The following CTF1 variants were observed in gnomAD, a reference collection of about 807,000 sequenced individuals.
The protein encoded by CTF1 is cardiotrophin 1, also known as cardiotrophin-1.
A neutral mutation model predicts 10.9 loss-of-function variants in CTF1; 9 were observed. That is an observed-to-expected ratio of 0.83 (90% confidence interval 0.50 to 1.44). The LOEUF (loss-of-function observed/expected upper bound fraction) is 1.44. CTF1 is among the 40% of genes most tolerant of loss of function. The pLI is 0.00. For missense variants in CTF1, 259 were observed against 275.3 expected, an observed-to-expected ratio of 0.94 and a Z score of 0.42; for synonymous variants, 133 against 138.8, an observed-to-expected ratio of 0.96 and a Z score of 0.29.
Position 30,902,133 on chromosome 16 carries a change from C to A in CTF1, c.200C>A (p.Pro67Gln). ...CCCAGCTTCTCGCCGCCGCGGCTGC[C>A]GGTGGCCGGCCTGAGCGCCCCGGCT... is the stretch of plus-strand genomic sequence containing the variant. ...GLPSFSPPRL[P>Q]VAGLSAPAPS... Residue 67 changes from proline (P) to glutamine (Q), a missense_variant, in exon 3 of 3, where the codon CCG becomes CAG. Coordinates refer to ENST00000279804, the MANE Select transcript of CTF1 (RefSeq NM_001330.5). 7.1e-7 allele frequency: 1 copy of A among 1,408,756 alleles called. No individual in the cohort carries two copies. Among genetic ancestry groups the A allele is most frequent in the Admixed American group, 2.5e-5 (1 of 39,396 alleles). The allele number at this position is 1,408,756 out of a possible 1,614,324, so 87.3% of individuals were successfully genotyped here. A position where few individuals can be genotyped will look rare whatever the true frequency, so the allele number is the denominator to read the frequency against.
intron 1 of CTF1, among the ~76,000 whole-genome samples, chr16:30,898,114 G>C (rs2055369670): frequency 6.6e-6 from 1 of 151,094 alleles, no homozygotes; most frequent in African/African-American, 2.4e-5. Flanking sequence ...ACCTGCCTCA[G>C]CCCTCCAAAG....
At chr16:30,900,682 A>T (rs750677964) in intron 2 of CTF1, among the ~76,000 whole-genome samples, 5 of 152,206 alleles carry the variant, frequency 3.3e-5, no homozygotes, top group Admixed American at 1.3e-4. Flanking sequence ...CTGTGGTTCC[A>T]TCTACTCAGG....
intron 2 of CTF1, among the ~76,000 whole-genome samples, chr16:30,901,877 C>T (rs1008374226): frequency 6.6e-6 from 1 of 151,800 alleles, no homozygotes; most frequent in Non-Finnish European, 1.5e-5. Flanking sequence ...AGTCTGGGTC[C>T]AGTTTAGGGA....
chr16:30,902,548 G>A lies in CTF1; in HGVS notation c.*9G>A, dbSNP rs766484224. 1.3e-6 allele frequency: 2 copies of A among 1,499,254 alleles called. No individual in the cohort carries two copies. Among genetic ancestry groups the A allele is most frequent in the East Asian group, 2.7e-5 (1 of 36,708 alleles). The allele number at this position is 1,499,254 out of a possible 1,614,324, so 92.9% of individuals were successfully genotyped here. A position where few individuals can be genotyped will look rare whatever the true frequency, so the allele number is the denominator to read the frequency against. On this transcript the variant is annotated 3_prime_UTR_variant, in exon 3 of 3. Transcript: ENST00000279804. ...CCGGGGGCTCGGCCTGAGCGCCGCG[G>A]GGCAGCTCGCCCCGCCTCCTCCCGC...
intron 2 of CTF1, 76 bp from the exon 3 acceptor site, chr16:30,902,002 C>A: frequency 8.0e-7 from 1 of 1,247,336 alleles, no homozygotes; most frequent in Non-Finnish European, 1.0e-6. Context: ...CCCCAGAGAG[C>A]GGGTTGGAGA....
intron 1 of CTF1, among the ~76,000 whole-genome samples, chr16:30,897,590 A>C (rs528343873): frequency 2.6e-5 from 4 of 152,194 alleles, no homozygotes; most frequent in African/African-American, 9.6e-5. Flanking sequence ...CATGCACTGC[A>C]TAACAACATT....
rs2055418745 is a variant in CTF1, at chr16:30,902,828, A to G, written c.*289A>G. The G allele has an allele frequency of 3.5e-6, 1 of 285,050 alleles. No homozygotes were observed. The highest frequency in any genetic ancestry group is 1.2e-4 in the South Asian group (1 of 8,660). 17.7% of individuals were successfully genotyped at this position (285,050 alleles called of 1,614,324 possible). On this transcript the variant is annotated 3_prime_UTR_variant, in exon 3 of 3. Coordinates refer to ENST00000279804, the MANE Select transcript of CTF1 (RefSeq NM_001330.5). ...GCTGGGACTACAGGCACGCGCCACC[A>G]CAGCCGGCTAATTTTTTATTTAATT...
At chr16:30,899,573 A>C in intron 2 of CTF1, 40 bp downstream of exon 2, 1 of 1,066,986 alleles carries the variant, frequency 9.4e-7, no homozygotes, top group East Asian at 2.4e-5. Flanking sequence ...GGGCCTGGGG[A>C]ATGGGAGCAG....
At chr16:30,900,446 T>G (rs1408717715) in intron 2 of CTF1, among the ~76,000 whole-genome samples, 1 of 152,030 alleles carries the variant, frequency 6.6e-6, no homozygotes, top group African/African-American at 2.4e-5. Context: ...TGGCAGCGGA[T>G]AGTGGGAGAA....
intron 2 of CTF1, among the ~76,000 whole-genome samples, chr16:30,899,764 G>T (rs1304772022): frequency 6.6e-6 from 1 of 152,076 alleles, no homozygotes; most frequent in Admixed American, 6.6e-5. Context: ...TCAGTGCTTT[G>T]TTTTTGAGAG....
At position 30,902,622 on chromosome 16, in the gene CTF1, G is replaced by GTGTC. The variant is rs1046386560; in HGVS notation, c.*94_*97dup. 1.4e-6 allele frequency: 2 copies of GTGTC among 1,403,156 alleles called. No individual in the cohort carries two copies. The highest frequency in any genetic ancestry group is 3.0e-5 in the African/African-American group (2 of 66,136). 86.9% of individuals were successfully genotyped at this position (1,403,156 alleles called of 1,614,324 possible). ...TCTTTGTCTTTCTCTGCCGCTGTCG[G>GTGTC]TGTCTGTCTGTCTGCTCTTAGCTGT... On this transcript the variant is annotated 3_prime_UTR_variant, in exon 3 of 3. Coordinates refer to ENST00000279804, the MANE Select transcript of CTF1 (RefSeq NM_001330.5).
At chr16:30,896,413 T>C (rs1479839428), upstream of CTF1, among the ~76,000 whole-genome samples, 1 of 152,042 alleles carries the variant, frequency 6.6e-6, no homozygotes, top group Non-Finnish European at 1.5e-5. Context: ...CGAGGTCCTG[T>C]CCACCCGGCA....
intron 1 of CTF1, among the ~76,000 whole-genome samples, chr16:30,896,998 T>TG (rs1274726372): frequency 1.3e-5 from 2 of 151,260 alleles, no homozygotes; most frequent in Admixed American, 6.6e-5. Context: ...GAATCAGAGC[T>TG]GGGGGGCTGA....
rs1192760025 is a variant in CTF1 at position 30,902,275 on chromosome 16, C to A, written c.342C>A (p.Arg114=). 1.1e-5 allele frequency: 11 copies of A among 1,040,974 alleles called. No homozygotes were observed. The highest frequency in any genetic ancestry group is 9.0e-4 in the Middle Eastern group (2 of 2,232). 64.5% of individuals were successfully genotyped at this position (1,040,974 alleles called of 1,614,324 possible). Residue 114 remains arginine, a synonymous_variant, in exon 3 of 3, where the codon CGC becomes CGA. Coordinates refer to ENST00000279804, the MANE Select transcript of CTF1 (RefSeq NM_001330.5). ...VCRRQAELNP[R]APRLLRRLED... is the part of the protein sequence containing the mutation. Reference sequence around the variant, plus strand: ...GCCGCCAGGCCGAGCTGAACCCGCGCGCGCCGCGCCTGCTGCGCCGCCTGG... The same window carrying A: ...GCCGCCAGGCCGAGCTGAACCCGCGAGCGCCGCGCCTGCTGCGCCGCCTGG...
chr16:30,902,676 T>TA lies in CTF1; in HGVS notation c.*137_*138insA. The TA allele has an allele frequency of 7.9e-7, 1 of 1,268,706 alleles. No individual in the cohort carries two copies. The highest frequency in any genetic ancestry group is 1.0e-6 in the Non-Finnish European group (1 of 991,404). The allele number at this position is 1,268,706 out of a possible 1,614,324, so 78.6% of individuals were successfully genotyped here. A position where few individuals can be genotyped will look rare whatever the true frequency, so the allele number is the denominator to read the frequency against. ...CATTGCCTCGGCCTTCTTTGCTTTT[T>TA]GTGGGGGAGAGGGGAGGGGACGGGC... On this transcript the variant is annotated 3_prime_UTR_variant, in exon 3 of 3. Transcript: ENST00000279804.
At chr16:30,900,919 G>T (rs1239710561) in intron 2 of CTF1, among the ~76,000 whole-genome samples, 1 of 148,702 alleles carries the variant, frequency 6.7e-6, no homozygotes, top group Non-Finnish European at 1.5e-5. Context: ...TTGAAATGGA[G>T]TTTCGCTCTT....
rs1047316947 is a variant in CTF1, at chr16:30,902,020, T to A, written c.145-58T>A. ...CAGAGAGCGGGTTGGAGAGCCCAGT[T>A]AACAGCCCCCTGCCCGTGCTCCGGG... On this transcript the variant is annotated intron_variant, in intron 2 of 2. Coordinates refer to ENST00000279804, the MANE Select transcript of CTF1 (RefSeq NM_001330.5). The A allele has an allele frequency of 5.1e-6, 7 of 1,374,284 alleles. No homozygotes were observed. The African/African-American group carries it at 6.0e-5, about 12-fold the overall frequency. The allele number at this position is 1,374,284 out of a possible 1,614,324, so 85.1% of individuals were successfully genotyped here.
At chr16:30,895,916 G>T (rs2055343257), upstream of CTF1, among the ~76,000 whole-genome samples, 1 of 152,104 alleles carries the variant, frequency 6.6e-6, no homozygotes, top group South Asian at 2.1e-4. Flanking sequence ...GGGCTTCCTC[G>T]ACAGACCGCG....
chr16:30,899,674 T>C, intron 2 of CTF1, 141 bp downstream of exon 2: 1 of 619,516 alleles, frequency 1.6e-6, no homozygotes, highest in South Asian at 2.0e-5. Flanking sequence ...AACTTGCCCC[T>C]GGCCACACAG....
Sources: allele counts gnomAD v4.1 joint callset (sites outside exome capture counted in the v4.1 genomes callset), GRCh38; gene constraint gnomAD v4.1.1; transcripts MANE v1.5; gene names NCBI Gene and HGNC (gene_info 2026-07-23, HGNC 2026-07-21).